RUVBL2: variants seen among roughly 807,000 people sequenced by gnomAD.
The protein encoded by RUVBL2 is RuvB like AAA ATPase 2, also known as ruvB-like 2.
A neutral mutation model predicts 57.9 loss-of-function variants in RUVBL2; 9 were observed. That is an observed-to-expected ratio of 0.16 (90% confidence interval 0.09 to 0.27). The LOEUF (loss-of-function observed/expected upper bound fraction) is 0.27. RUVBL2 is among the 10% of genes least tolerant of loss of function. RUVBL2 has a pLI of 1.00. For missense variants in RUVBL2, 456 were observed against 669.6 expected (o/e 0.68, Z 3.52); for synonymous variants, 278 against 264.6 (o/e 1.05, Z -0.49).
chr19:48,996,313 A>T (rs2039058706), intron 1 of RUVBL2, among the ~76,000 whole-genome samples: 1 of 151,882 alleles, frequency 6.6e-6, no homozygotes, highest in South Asian at 2.1e-4. Flanking sequence ...ACCATCCAGG[A>T]TTGTTTTTTT....
At chr19:49,009,754 C>T in intron 6 of RUVBL2, 22 bp from the exon 7 acceptor site, 3 of 1,606,380 alleles carry the variant, frequency 1.9e-6, no homozygotes, top group Non-Finnish European at 2.6e-6. Flanking sequence ...GAGCCCCATC[C>T]CTGGCTTGTC....
At chr19:49,008,595 C>T (rs2039332894) in intron 6 of RUVBL2, among the ~76,000 whole-genome samples, 1 of 151,798 alleles carries the variant, frequency 6.6e-6, no homozygotes, top group African/African-American at 2.4e-5. Flanking sequence ...CCTGTAATCC[C>T]AGCACTTTGG....
At chr19:49,001,383 C>CG (rs1020175317) in intron 2 of RUVBL2, 1 of 150,992 alleles carries the variant, frequency 6.6e-6, no homozygotes, top group African/African-American at 2.4e-5. Context: ...AGGATGGTCT[C>CG]GATCTCCTGA....
chr19:49,015,730 AGAGG>A (rs2039535921), intron 14 of RUVBL2, 44 bp downstream of exon 14: 1 of 1,609,838 alleles, frequency 6.2e-7, no homozygotes, highest in Non-Finnish European at 8.5e-7. Flanking sequence ...AGCCAACCTC[AGAGG>A]GAGGAAGAGG....
chr19:49,014,651 A>C, intron 12 of RUVBL2, 48 bp downstream of exon 12: 1 of 1,602,404 alleles, frequency 6.2e-7, no homozygotes, highest in Non-Finnish European at 8.5e-7. Context: ...GCTGGGGTCT[A>C]CCCTGTTTGA....
intron 11 of RUVBL2, among the ~76,000 whole-genome samples, chr19:49,012,938 C>T (rs2039461531): frequency 6.6e-6 from 1 of 151,492 alleles, no homozygotes; most frequent in African/African-American, 2.4e-5. Context: ...CAGCTGGGAC[C>T]ACGGGCATGC....
chr19:49,007,368 G>A lies in RUVBL2; in HGVS notation c.462G>A (p.Thr154=). The A allele has an allele frequency of 6.2e-7, 1 of 1,613,790 alleles. No individual in the cohort carries two copies. The highest frequency in any genetic ancestry group is 8.5e-7 in the Non-Finnish European group (1 of 1,179,844). The part of the protein sequence containing the change: ...EIQIDRPATG[T]GSKVGKLTLK... ...AGATTGATCGACCAGCAACAGGGACGGTGAGTCTGTGTGAGTCTGTACCCT... is the reference window on the plus strand; with the variant it reads ...AGATTGATCGACCAGCAACAGGGACAGTGAGTCTGTGTGAGTCTGTACCCT... The change falls in exon 6 of 15, where the codon ACG becomes ACA. Residue 154 remains threonine (T), a splice_region_variant and synonymous_variant. Coordinates refer to ENST00000595090, the MANE Select transcript of RUVBL2 (RefSeq NM_006666.3).
chr19:49,012,945 A>G (rs1304779824), intron 11 of RUVBL2, among the ~76,000 whole-genome samples: 1 of 151,724 alleles, frequency 6.6e-6, no homozygotes, highest in Admixed American at 6.6e-5. Context: ...GACCACGGGC[A>G]TGCACCACTA....
Position 49,014,474 on chromosome 19 carries a change from T to C in RUVBL2, c.1002-10T>C, listed in dbSNP as rs556230452. The stretch of plus-strand genomic sequence containing the variant: ...CCCCTGACAGCCCCCTCTTTCTGCC[T>C]CTTCCTCAGAATCCGGGGCACCAGC... On this transcript the variant is annotated splice_polypyrimidine_tract_variant and intron_variant, in intron 11 of 14. Coordinates refer to ENST00000595090, the MANE Select transcript of RUVBL2 (RefSeq NM_006666.3). 3.5e-5 allele frequency: 57 copies of C among 1,613,074 alleles called. No individual in the cohort carries two copies. In the South Asian group the frequency reaches 5.7e-4, roughly 16 times the overall value.
chr19:48,996,827 T>C (rs2039071941), intron 1 of RUVBL2, among the ~76,000 whole-genome samples: 1 of 151,400 alleles, frequency 6.6e-6, no homozygotes, highest in African/African-American at 2.4e-5. Flanking sequence ...GTGCCTGACC[T>C]AATTTTTGTA....
chr19:48,993,882 C>A, upstream of RUVBL2: 2 of 1,614,090 alleles, frequency 1.2e-6, no homozygotes, highest in Non-Finnish European at 1.7e-6. Flanking sequence ...GTTTCCGTTT[C>A]CGCTAGGACT....
In RUVBL2 at chr19:49,005,792, C is replaced by T. The variant is rs973564014; in HGVS notation, c.266-1226C>T. The stretch of plus-strand genomic sequence containing the variant: ...CTGGGATTACAGATGTGTGCCACCA[C>T]ACCCAACTGATTTTTGTATTTTTAG... On this transcript the variant is annotated intron_variant, in intron 4 of 14. Coordinates refer to ENST00000595090, the MANE Select transcript of RUVBL2 (RefSeq NM_006666.3). 2.2e-4 allele frequency among the ~76,000 whole-genome samples: 33 copies of T among 152,306 alleles called. No individual in the cohort carries two copies. The East Asian group carries it at 5.8e-3, about 27-fold the overall frequency.
At position 49,011,332 on chromosome 19, in the gene RUVBL2, C is replaced by G. The variant is rs1452002965; in HGVS notation, c.1001+22C>G. ...CGCGGTGAGCCGGCTACAGGGGCCT[C>G]TGGGGAAAACAGGATGCTCTGGGCA... On this transcript the variant is annotated intron_variant, in intron 11 of 14. Transcript: ENST00000595090. This position sits in a 1 kb window ranked among gnomAD's most constrained non-coding sequence, Gnocchi z 4.4. 3 of 1,589,574 alleles carry G rather than the reference C, an allele frequency of 1.9e-6. No individual in the cohort carries two copies. Among genetic ancestry groups the G allele is most frequent in the African/African-American group, 2.7e-5 (2 of 74,550 alleles).
At chr19:48,995,844 G>A (rs140308896) in intron 1 of RUVBL2, among the ~76,000 whole-genome samples, 8,328 of 151,710 alleles carry the variant, frequency 0.055, 678 homozygotes, top group African/African-American at 0.18. Flanking sequence ...AAAATTAGCC[G>A]GGCGTGGTGG....
chr19:49,003,137 T>C (rs1452896660), intron 2 of RUVBL2, 142 bp from the exon 3 acceptor site: 11 of 748,886 alleles, frequency 1.5e-5, no homozygotes, highest in Non-Finnish European at 1.9e-5. Flanking sequence ...ATCCTTTCCA[T>C]GTGCCCCTTC....
chr19:48,993,476 C>A (rs1038945537), upstream of RUVBL2: 14 of 426,652 alleles, frequency 3.3e-5, no homozygotes, highest in Admixed American at 5.0e-4. Context: ...GGCCGTGAGA[C>A]CTCCAGGGGG....
At chr19:49,013,694 C>A (rs1177929976) in intron 11 of RUVBL2, among the ~76,000 whole-genome samples, 1 of 152,154 alleles carries the variant, frequency 6.6e-6, no homozygotes, top group African/African-American at 2.4e-5. Flanking sequence ...GTGGGTGGAT[C>A]ACGAGGTCAA....
Position 49,010,995 on chromosome 19 carries a change from A to T in RUVBL2, c.788-4A>T. On this transcript the variant is annotated splice_polypyrimidine_tract_variant and splice_region_variant and intron_variant, in intron 9 of 14. Transcript: ENST00000595090. The stretch of plus-strand genomic sequence containing the variant: ...TTCCCTGATGCAACCTGTGCCTCCC[A>T]TAGGTGACACAGGGGAGATCAAGTC... 1.2e-6 allele frequency: 2 copies of T among 1,610,618 alleles called. No individual in the cohort carries two copies. The highest frequency in any genetic ancestry group is 2.2e-5 in the South Asian group (2 of 89,844).
chr19:49,002,924 A>T (rs1600176233), intron 2 of RUVBL2, among the ~76,000 whole-genome samples: 1 of 152,306 alleles, frequency 6.6e-6, no homozygotes, highest in East Asian at 1.9e-4. Flanking sequence ...TATGGAATAA[A>T]CTGAGAACAT....
Sources: gnomAD v4.1 joint callset for allele counts (sites outside exome capture counted in the v4.1 genomes callset) on GRCh38, gnomAD v4.1.1 for gene constraint, Gnocchi (gnomAD v3.1) non-coding constraint, MANE v1.5 for transcripts, NCBI Gene and HGNC (gene_info 2026-07-23, HGNC 2026-07-21) for gene names.